RAB11FIP4: variants seen among roughly 807,000 people sequenced by gnomAD.
The protein encoded by RAB11FIP4 is RAB11 family interacting protein 4.
RAB11FIP4 carries 23 observed loss-of-function variants against 74.3 expected under a neutral mutation model. The observed-to-expected ratio is 0.31, with a 90% confidence interval of 0.22 to 0.44. RAB11FIP4 has a LOEUF of 0.44. RAB11FIP4 is among the 20% of genes least tolerant of loss of function. The probability of loss-of-function intolerance (pLI) is 1.00; values close to 1 mark genes in which losing one functional copy is unlikely to be tolerated. For synonymous variants in RAB11FIP4, 360 were observed against 359.9 expected (o/e 1.00, Z 0.00); for missense variants, 630 against 863.9 (o/e 0.73, Z 3.39).
At chr17:31,402,927 A>T (rs1206793777) in intron 1 of RAB11FIP4, among the ~76,000 whole-genome samples, 5 of 151,390 alleles carry the variant, frequency 3.3e-5, no homozygotes, top group African/African-American at 4.9e-5. Context: ...GCCTGGCCAG[A>T]TTATTTTTAA....
At chr17:31,464,387 A>G (rs889461720) in intron 3 of RAB11FIP4, among the ~76,000 whole-genome samples, 1 of 152,290 alleles carries the variant, frequency 6.6e-6, no homozygotes, top group East Asian at 1.9e-4. Context: ...GGGAAACATC[A>G]GCACTGCTGC....
intron 1 of RAB11FIP4, among the ~76,000 whole-genome samples, chr17:31,400,002 C>G (rs1221700150): frequency 6.6e-6 from 1 of 151,300 alleles, no homozygotes; most frequent in Non-Finnish European, 1.5e-5. Flanking sequence ...GAGATTGCGC[C>G]ACTGCACTCC....
chr17:31,418,985 G>A (rs1320829810), intron 1 of RAB11FIP4, among the ~76,000 whole-genome samples: 1 of 152,056 alleles, frequency 6.6e-6, no homozygotes, highest in Non-Finnish European at 1.5e-5. Context: ...CACTGATCTG[G>A]CTTTGTCACT....
intron 1 of RAB11FIP4, among the ~76,000 whole-genome samples, chr17:31,424,826 C>T (rs1597908989): frequency 6.6e-6 from 1 of 152,174 alleles, no homozygotes; most frequent in South Asian, 2.1e-4. Flanking sequence ...ATTCACCCAT[C>T]TCGGCCTCCC....
intron 3 of RAB11FIP4, among the ~76,000 whole-genome samples, chr17:31,445,491 T>C (rs2071442163): frequency 1.4e-5 from 2 of 145,202 alleles, no homozygotes; most frequent in South Asian, 4.3e-4. Flanking sequence ...TTGGCACAAT[T>C]TGTTACCTAT....
chr17:31,422,379 TA>T (rs1238753275), intron 1 of RAB11FIP4, among the ~76,000 whole-genome samples: 1 of 152,256 alleles, frequency 6.6e-6, no homozygotes, highest in East Asian at 1.9e-4. Flanking sequence ...ATTTTTCATC[TA>T]ACTAGCTCTA....
Position 31,523,392 on chromosome 17 carries a change from G to A in RAB11FIP4, c.930-120G>A, listed in dbSNP as rs1680357254. The stretch of plus-strand genomic sequence containing the variant: ...ATTCTTCCTCTCAGGCTGAGTGAGG[G>A]CAGCCTCCTTAAAGGGGCAGACCCC... On this transcript the variant is annotated intron_variant, in intron 7 of 14. Transcript: ENST00000621161. The A allele has an allele frequency of 5.1e-6, 4 of 781,962 alleles. No homozygotes were observed. In the African/African-American group the frequency reaches 6.8e-5, roughly 13 times the overall value. 48.4% of individuals were successfully genotyped at this position (781,962 alleles called of 1,614,324 possible). A position where few individuals can be genotyped will look rare whatever the true frequency, so the allele number is the denominator to read the frequency against.
chr17:31,440,782 A>C (rs556928160), intron 3 of RAB11FIP4, among the ~76,000 whole-genome samples: 18 of 152,168 alleles, frequency 1.2e-4, no homozygotes, highest in Non-Finnish European at 1.5e-5. Context: ...CACACACACA[A>C]AAACAAATAA....
chr17:31,438,072 C>T (rs2071376445), intron 3 of RAB11FIP4, among the ~76,000 whole-genome samples: 1 of 152,116 alleles, frequency 6.6e-6, no homozygotes, highest in Non-Finnish European at 1.5e-5. Context: ...TTAGGTGTGT[C>T]CTGAAGGACT....
At chr17:31,458,129 C>G (rs568015614) in intron 3 of RAB11FIP4, among the ~76,000 whole-genome samples, 2 of 152,344 alleles carry the variant, frequency 1.3e-5, no homozygotes, top group South Asian at 4.1e-4. Flanking sequence ...GTGTCCAAGG[C>G]CTTGGGGCCA....
Position 31,521,940 on chromosome 17 carries a change from C to A in RAB11FIP4, c.784C>A (p.Arg262=), listed in dbSNP as rs759600561. The change falls in exon 6 of 15, where the codon CGG becomes AGG. Residue 262 remains arginine (R), a synonymous_variant. Coordinates refer to ENST00000621161, the MANE Select transcript of RAB11FIP4 (RefSeq NM_032932.6). ...TGCGGGGCAGACGCCTAGGAAAATG[C>A]GGCACGTGTACAACAGCGAATTGCT... The part of the protein sequence containing the change: ...SSAGQTPRKM[R]HVYNSELLDV... 7 of 1,614,130 alleles carry A rather than the reference C, an allele frequency of 4.3e-6. No homozygotes were observed. The highest frequency in any genetic ancestry group is 2.2e-5 in the South Asian group (2 of 91,076).
chr17:31,516,633 C>T (rs1472254121), intron 3 of RAB11FIP4, among the ~76,000 whole-genome samples: 1 of 152,140 alleles, frequency 6.6e-6, no homozygotes, highest in African/African-American at 2.4e-5. Context: ...CCTCGCCCAG[C>T]TAATTTTTGT....
chr17:31,517,214 G>GGGA (rs2072573245), intron 3 of RAB11FIP4, among the ~76,000 whole-genome samples: 1 of 122,560 alleles, frequency 8.2e-6, no homozygotes, highest in Non-Finnish European at 1.8e-5. Context: ...GGTGGGGGGG[G>GGGA]CGGGGGGGAA....
chr17:31,529,550 G>A (rs2072830488), intron 13 of RAB11FIP4, among the ~76,000 whole-genome samples: 1 of 152,202 alleles, frequency 6.6e-6, no homozygotes, highest in Admixed American at 6.5e-5. Flanking sequence ...TTACAGGAAT[G>A]AGCCACTGTG....
chr17:31,495,633 A>G (rs2072102155), intron 3 of RAB11FIP4, among the ~76,000 whole-genome samples: 1 of 152,182 alleles, frequency 6.6e-6, no homozygotes, highest in South Asian at 2.1e-4. Flanking sequence ...AAGTGCTGGA[A>G]TTACAGGCAT....
intron 3 of RAB11FIP4, among the ~76,000 whole-genome samples, chr17:31,499,375 T>G (rs1231490485): frequency 6.6e-6 from 1 of 152,050 alleles, no homozygotes; most frequent in Admixed American, 6.6e-5. Flanking sequence ...TCTTTTTTTT[T>G]AGATAGAGTT....
intron 3 of RAB11FIP4, among the ~76,000 whole-genome samples, chr17:31,511,306 G>A (rs1156695739): frequency 7.2e-5 from 11 of 152,156 alleles, no homozygotes; most frequent in African/African-American, 1.7e-4. Flanking sequence ...ATGACACAAG[G>A]CATTGTCCTA....
chr17:31,443,053 A>G (rs2071420795), intron 3 of RAB11FIP4, among the ~76,000 whole-genome samples: 2 of 152,286 alleles, frequency 1.3e-5, no homozygotes, highest in Non-Finnish European at 2.9e-5. Flanking sequence ...GGATTGCGTC[A>G]GATTCCTGCT....
chr17:31,434,196 C>T, intron 3 of RAB11FIP4, 74 bp downstream of exon 3: 1 of 1,285,892 alleles, frequency 7.8e-7, no homozygotes. Flanking sequence ...GCTCCATTTT[C>T]AGTATCTGGG....
Sources: gnomAD v4.1 joint callset for allele counts (sites outside exome capture counted in the v4.1 genomes callset) on GRCh38, gnomAD v4.1.1 for gene constraint, MANE v1.5 for transcripts, NCBI Gene and HGNC (gene_info 2026-07-23, HGNC 2026-07-21) for gene names.